Variants in MYO19 observed in about 807,000 individuals in gnomAD.
MYO19 encodes myosin XIX, also known as unconventional myosin-XIX.
MYO19 carries 132 observed loss-of-function variants against 129.2 expected under a neutral mutation model. That is an observed-to-expected ratio of 1.02 (90% CI 0.89 to 1.18). The LOEUF (loss-of-function observed/expected upper bound fraction) is 1.18. MYO19 is among the 50% of genes most tolerant of loss of function. The probability of loss-of-function intolerance (pLI) is 0.00; values close to 1 mark genes in which losing one functional copy is unlikely to be tolerated. For missense variants in MYO19, 1,210 were observed against 1,216.7 expected (o/e 0.99, Z 0.08); for synonymous variants, 531 against 477.2 (o/e 1.11, Z -1.47).
intron 19 of MYO19, chr17:36,504,644 T>G (rs1208137092): frequency 6.3e-6 from 1 of 158,482 alleles, no homozygotes; most frequent in Non-Finnish European, 1.4e-5. Context: ...GTGCAGTGGC[T>G]GCTCATGCCT....
chr17:36,539,322 T>G (rs1288978677), upstream of MYO19: 1 of 167,078 alleles, frequency 6.0e-6, no homozygotes, highest in African/African-American at 2.4e-5. Flanking sequence ...TGTCAATACT[T>G]GTTTATTGCT....
At chr17:36,523,118 C>T (rs1433743664) in intron 6 of MYO19, among the ~76,000 whole-genome samples, 1 of 144,668 alleles carries the variant, frequency 6.9e-6, no homozygotes, top group East Asian at 2.1e-4. Flanking sequence ...ACTGGGGAGG[C>T]GGAGGCTGCA....
intron 5 of MYO19, among the ~76,000 whole-genome samples, chr17:36,526,989 G>C (rs2073508114): frequency 6.6e-6 from 1 of 151,974 alleles, no homozygotes; most frequent in Non-Finnish European, 1.5e-5. Flanking sequence ...AGACCAGCCT[G>C]ACCAATATGC....
chr17:36,496,969 G>T (rs2071033990), intron 25 of MYO19, among the ~76,000 whole-genome samples: 1 of 152,068 alleles, frequency 6.6e-6, no homozygotes, highest in Non-Finnish European at 1.5e-5. Flanking sequence ...TGGCTTACTG[G>T]GGTGACTCAC....
Position 36,527,917 on chromosome 17 carries a change from C to T in MYO19, c.151+147G>A, listed in dbSNP as rs933900505. 32 of 1,206,428 alleles carry T rather than the reference C, an allele frequency of 2.7e-5. No individual in the cohort carries two copies. In the East Asian group the frequency reaches 7.9e-4, roughly 30 times the overall value. The allele number at this position is 1,206,428 out of a possible 1,614,324, so 74.7% of individuals were successfully genotyped here. A position where few individuals can be genotyped will look rare whatever the true frequency, so the allele number is the denominator to read the frequency against. On this transcript the variant is annotated intron_variant, in intron 4 of 25. Transcript: ENST00000614623. ...GAGCCCAGGTGCAGCTGTCATGCTC[C>T]CTCAGGCGGAGGTCTGGAGCAGCCC... is the stretch of plus-strand genomic sequence containing the variant.
intron 2 of MYO19, 38 bp downstream of exon 2, chr17:36,533,915 T>C (rs1375054456): frequency 6.6e-6 from 1 of 152,194 alleles, no homozygotes; most frequent in Non-Finnish European, 1.5e-5. Flanking sequence ...AATATCCAGA[T>C]CTCACGGGGC....
chr17:36,515,888 G>A lies in MYO19; in HGVS notation c.517C>T (p.Leu173=), dbSNP rs2072713736. The A allele has an allele frequency of 1.2e-6, 2 of 1,613,456 alleles. No homozygotes were observed. The highest frequency in any genetic ancestry group is 4.5e-5 in the East Asian group (2 of 44,872). Residue 173 remains leucine, a synonymous_variant, in exon 7 of 26, where the codon CTG becomes TTG. Transcript: ENST00000614623. Reference sequence around the variant, plus strand: ...GCTTCCATGACAGGGTTGGAGTTCAGGATCCTCTGTTCTATCCTCTCTGCA... The same window carrying A: ...GCTTCCATGACAGGGTTGGAGTTCAAGATCCTCTGTTCTATCCTCTCTGCA... ...KIAERIEQRI[L]NSNPVMEAFG...
chr17:36,509,988 A>G (rs1229931523), intron 13 of MYO19: 1 of 152,246 alleles, frequency 6.6e-6, no homozygotes, highest in Non-Finnish European at 1.5e-5. Context: ...ACCATTTTCA[A>G]CTCGGACGAT....
chr17:36,519,904 CT>C (rs1327977943), intron 6 of MYO19, among the ~76,000 whole-genome samples: 1 of 152,136 alleles, frequency 6.6e-6, no homozygotes. Context: ...TCACTTTTAT[CT>C]GTGGGCTTAC....
At chr17:36,539,202 C>T (rs960422214), upstream of MYO19, 1 of 167,070 alleles carries the variant, frequency 6.0e-6, no homozygotes, top group African/African-American at 2.4e-5. Context: ...AAAATTTTTA[C>T]TTTCCATCTT....
intron 6 of MYO19, among the ~76,000 whole-genome samples, chr17:36,519,424 G>A (rs1313703549): frequency 6.6e-6 from 1 of 151,988 alleles, no homozygotes; most frequent in African/African-American, 2.4e-5. Context: ...CATCCATTTA[G>A]TTTGAACTTA....
chr17:36,503,457 T>G (rs1044158597), intron 20 of MYO19, among the ~76,000 whole-genome samples: 2 of 152,228 alleles, frequency 1.3e-5, no homozygotes, highest in Admixed American at 1.3e-4. Context: ...GCATCTCTTG[T>G]GTTAGCAGGG....
rs2071987900 is a variant in MYO19 at position 36,507,405 on chromosome 17, T to C, written c.1461A>G (p.Ile487Met). The C allele has an allele frequency of 6.2e-7, 1 of 1,612,570 alleles. No homozygotes were observed. Among genetic ancestry groups the C allele is most frequent in the African/African-American group, 1.3e-5 (1 of 74,890 alleles). The part of the protein sequence containing the change: ...EGSPISICSL[I>M]NEECRLNRPS... ...CATTAGCTGACCTCCCCACCTCATTTATGAGGGAGCAGATGCTGATGGGGC... is the reference window on the plus strand; with the variant it reads ...CATTAGCTGACCTCCCCACCTCATTCATGAGGGAGCAGATGCTGATGGGGC... Residue 487 changes from isoleucine to methionine, a missense_variant, in exon 16 of 26, where the codon ATA (isoleucine) becomes ATG (methionine). Ile to Met is a conservative substitution (Grantham distance 10). Transcript: ENST00000614623.
In MYO19 at chr17:36,501,081, C is replaced by T; in HGVS notation, c.2235G>A (p.Met745Ile). 1 of 1,613,006 alleles carries T rather than the reference C, an allele frequency of 6.2e-7. No homozygotes were observed. The highest frequency in any genetic ancestry group is 1.1e-5 in the South Asian group (1 of 90,908). ...CAAACCAGCTCACCATAGAGTCAGT[C>T]ATGAACACCTTGGTCCTGCCACAGT... ...PMHCGRTKVFMTDSMLELLEC... is the reference protein window; with the variant it reads ...PMHCGRTKVFITDSMLELLEC... Residue 745 changes from methionine (M) to isoleucine (I), a missense_variant, in exon 22 of 26, where the codon ATG becomes ATA. Met to Ile is a conservative substitution (Grantham distance 10, BLOSUM62 1). Coordinates refer to ENST00000614623, the MANE Select transcript of MYO19 (RefSeq NM_001163735.2).
At chr17:36,532,786 A>T (rs1300453145) in intron 2 of MYO19, 105 bp from the exon 3 acceptor site, 4 of 589,534 alleles carry the variant, frequency 6.8e-6, no homozygotes, top group Non-Finnish European at 1.2e-5. Context: ...ATGAGATGCA[A>T]GGCAGGCCTG....
intron 22 of MYO19, 40 bp from the exon 23 acceptor site, chr17:36,500,999 C>T (rs1330710766): frequency 6.2e-7 from 1 of 1,604,562 alleles, no homozygotes; most frequent in Non-Finnish European, 8.5e-7. Flanking sequence ...CCTCTTCTCC[C>T]CCTGCCCCCT....
chr17:36,530,920 CTTAT>C (rs895441585), intron 3 of MYO19, among the ~76,000 whole-genome samples: 7 of 151,986 alleles, frequency 4.6e-5, no homozygotes, highest in South Asian at 2.1e-4. Context: ...CGTGCCTGGC[CTTAT>C]TTATTTATTT....
intron 24 of MYO19, 25 bp from the exon 25 acceptor site, chr17:36,498,584 A>G: frequency 6.3e-7 from 1 of 1,585,968 alleles, no homozygotes; most frequent in Non-Finnish European, 8.6e-7. Context: ...ATCCCTTTAT[A>G]GCTTTAGATT....
At position 36,507,977 on chromosome 17, in the gene MYO19, T is replaced by C. The variant is rs989183945; in HGVS notation, c.1232-53A>G. 3.0e-5 allele frequency: 46 copies of C among 1,520,864 alleles called. No individual in the cohort carries two copies. The Admixed American group carries it at 5.6e-4, about 19-fold the overall frequency. The allele number at this position is 1,520,864 out of a possible 1,614,324, so 94.2% of individuals were successfully genotyped here. On this transcript the variant is annotated intron_variant, in intron 14 of 25. Coordinates refer to ENST00000614623, the MANE Select transcript of MYO19 (RefSeq NM_001163735.2). The stretch of plus-strand genomic sequence containing the variant: ...GCCACTGCAGGGAGCAGATGGGGAA[T>C]AGGGGACCAAGGAACCCAGGGTGGC...
Sources: allele counts gnomAD v4.1 joint callset (sites outside exome capture counted in the v4.1 genomes callset), GRCh38; gene constraint gnomAD v4.1.1; transcripts MANE v1.5; gene names NCBI Gene and HGNC (gene_info 2026-07-23, HGNC 2026-07-21).